The following CADM2 variants were observed in gnomAD, a reference collection of about 807,000 sequenced individuals.
CADM2 encodes cell adhesion molecule 2.
Under a neutral mutation model 49.8 loss-of-function variants are expected in CADM2, and 12 were observed. That is an observed-to-expected ratio of 0.24 (90% CI 0.15 to 0.39). The LOEUF (loss-of-function observed/expected upper bound fraction) is 0.39, where lower values mean the gene tolerates loss of function less well. CADM2 is among the 10% of genes least tolerant of loss of function. The pLI is 1.00. For synonymous variants in CADM2, 214 were observed against 175.4 expected, an observed-to-expected ratio of 1.22 and a Z score of -1.74; for missense variants, 378 against 492.3, an observed-to-expected ratio of 0.77 and a Z score of 2.20.
intron 2 of CADM2, among the ~76,000 whole-genome samples, chr3:85,792,834 C>A (rs981638267): frequency 2.0e-5 from 3 of 152,214 alleles, no homozygotes; most frequent in African/African-American, 7.2e-5. Context: ...TTTCAAAGAT[C>A]TCTCTTTACT....
intron 8 of CADM2, among the ~76,000 whole-genome samples, chr3:86,024,034 A>G (rs1553725105): frequency 1.3e-5 from 2 of 152,208 alleles, no homozygotes; most frequent in Non-Finnish European, 2.9e-5. Context: ...CCAGAGTTCT[A>G]TTTCAAGCTT....
At chr3:85,884,871 C>A (rs1713341210) in intron 4 of CADM2, among the ~76,000 whole-genome samples, 1 of 148,486 alleles carries the variant, frequency 6.7e-6, no homozygotes, top group African/African-American at 2.5e-5. Context: ...ATTACAGGCA[C>A]CTGCCACCAC....
intron 1 of CADM2, among the ~76,000 whole-genome samples, chr3:85,232,063 G>T (rs1408015762): frequency 6.6e-6 from 1 of 151,620 alleles, no homozygotes; most frequent in Non-Finnish European, 1.5e-5. Flanking sequence ...CTCTAAAGGA[G>T]AACATCTAAT....
At chr3:85,089,760 C>CA (rs1298070313) in intron 1 of CADM2, among the ~76,000 whole-genome samples, 8 of 151,930 alleles carry the variant, frequency 5.3e-5, no homozygotes, top group South Asian at 2.1e-4. Context: ...TTAATCCCCC[C>CA]AAAAAAACAC....
At chr3:85,479,796 C>T (rs190044284) in intron 1 of CADM2, among the ~76,000 whole-genome samples, 4 of 151,994 alleles carry the variant, frequency 2.6e-5, no homozygotes, top group Admixed American at 2.6e-4. Context: ...GGAACCTTGA[C>T]TCCTAAACTT....
chr3:85,114,507 T>C (rs2038571965), intron 1 of CADM2, among the ~76,000 whole-genome samples: 1 of 152,192 alleles, frequency 6.6e-6, no homozygotes, highest in South Asian at 2.1e-4. Flanking sequence ...TGAACAGTAA[T>C]TAACATGCCC....
chr3:85,274,083 G>A (rs1425362453), intron 1 of CADM2, among the ~76,000 whole-genome samples: 3 of 151,594 alleles, frequency 2.0e-5, no homozygotes, highest in African/African-American at 7.2e-5. Context: ...GAAACACTGA[G>A]AATTGCAAAT....
chr3:85,678,366 G>C, intron 1 of CADM2, among the ~76,000 whole-genome samples: 1 of 152,142 alleles, frequency 6.6e-6, no homozygotes, highest in East Asian at 1.9e-4. Context: ...TGGTTGGCTA[G>C]TCTAGAAATT....
chr3:85,752,857 A>G (rs958717293), intron 2 of CADM2, among the ~76,000 whole-genome samples: 2 of 152,186 alleles, frequency 1.3e-5, no homozygotes, highest in African/African-American at 4.8e-5. Flanking sequence ...ATAAATGACA[A>G]TCCAAAAAAC....
At chr3:85,724,441 A>G (rs1286504247) in intron 1 of CADM2, among the ~76,000 whole-genome samples, 1 of 151,932 alleles carries the variant, frequency 6.6e-6, no homozygotes, top group African/African-American at 2.4e-5. Context: ...GATATGCCAT[A>G]AAGATGCATG....
chr3:85,725,494 G>C (rs190300233), intron 1 of CADM2, among the ~76,000 whole-genome samples: 1 of 151,908 alleles, frequency 6.6e-6, no homozygotes, highest in African/African-American at 2.4e-5. Flanking sequence ...CATTTAGAAA[G>C]CCAGAACCCA....
intron 8 of CADM2, among the ~76,000 whole-genome samples, chr3:86,016,001 A>C (rs528034571): frequency 6.6e-6 from 1 of 152,306 alleles, no homozygotes; most frequent in Non-Finnish European, 1.5e-5. Context: ...TGTATAGTTT[A>C]TTTCAATCAA....
chr3:85,861,892 G>T (rs973403372), intron 3 of CADM2, among the ~76,000 whole-genome samples: 2 of 151,838 alleles, frequency 1.3e-5, no homozygotes, highest in Non-Finnish European at 2.9e-5. Context: ...TAACTTAAAA[G>T]AAAATTTAAT....
At chr3:85,231,914 C>T (rs1262621854) in intron 1 of CADM2, among the ~76,000 whole-genome samples, 1 of 151,306 alleles carries the variant, frequency 6.6e-6, no homozygotes, top group African/African-American at 2.4e-5. Context: ...GGGGTTTCAC[C>T]ATGTTGGTCA....
intron 1 of CADM2, among the ~76,000 whole-genome samples, chr3:85,507,653 A>G (rs1302109624): frequency 1.3e-5 from 2 of 152,338 alleles, no homozygotes; most frequent in African/African-American, 2.4e-5. Context: ...ATTTGTCTTC[A>G]TAACTCTAGG....
At chr3:85,789,668 T>G (rs1250292629) in intron 2 of CADM2, among the ~76,000 whole-genome samples, 2 of 152,214 alleles carry the variant, frequency 1.3e-5, no homozygotes, top group Non-Finnish European at 2.9e-5. Flanking sequence ...AACTATGGTT[T>G]GAATTTTTGA....
At chr3:85,568,761 C>A (rs1305522421) in intron 1 of CADM2, among the ~76,000 whole-genome samples, 1 of 126,224 alleles carries the variant, frequency 7.9e-6, no homozygotes, top group African/African-American at 2.6e-5. Context: ...AGCCACCACA[C>A]CAAACTAATT....
In CADM2 at chr3:85,468,173, A is replaced by C. The variant is rs1281800513; in HGVS notation, c.62-258349A>C. 4.6e-5 allele frequency among the ~76,000 whole-genome samples: 7 copies of C among 151,304 alleles called. No homozygotes were observed. The South Asian group carries it at 6.3e-4, about 14-fold the overall frequency. On this transcript the variant is annotated intron_variant, in intron 1 of 9. Transcript: ENST00000383699. Reference sequence around the variant, plus strand: ...CGTCTCAAAAAAAAAAAAAAAAAAAAAAAAAAAACATTGAGGCAGGAAAAC... The same window carrying C: ...CGTCTCAAAAAAAAAAAAAAAAAAACAAAAAAAACATTGAGGCAGGAAAAC...
intron 8 of CADM2, among the ~76,000 whole-genome samples, chr3:86,045,256 A>G (rs1297560626): frequency 6.6e-6 from 1 of 152,138 alleles, no homozygotes; most frequent in Non-Finnish European, 1.5e-5. Flanking sequence ...CAGCAAATGT[A>G]CTTATTACCA....
Sources: allele counts gnomAD v4.1 joint callset (sites outside exome capture counted in the v4.1 genomes callset), GRCh38; gene constraint gnomAD v4.1.1; transcripts MANE v1.5; gene names NCBI Gene and HGNC (gene_info 2026-07-23, HGNC 2026-07-21).